Variants in HDAC9 observed in about 807,000 individuals in gnomAD.
The protein encoded by HDAC9 is histone deacetylase 9, also known as MEF-2 interacting transcription repressor (MITR) protein.
In HDAC9, 41 loss-of-function variants were observed where a neutral mutation model predicts 139.4. The ratio of observed to expected loss-of-function variants is 0.29; its 90% CI spans 0.23 to 0.38. The LOEUF (loss-of-function observed/expected upper bound fraction) is 0.38. HDAC9 is among the 10% of genes least tolerant of loss of function. The pLI is 1.00. For synonymous variants in HDAC9, 517 were observed against 476.2 expected, an observed-to-expected ratio of 1.09 and a Z score of -1.12; for missense variants, 1,147 against 1,297.0, an observed-to-expected ratio of 0.88 and a Z score of 1.78.
At chr7:18,819,668 T>G (rs1462985985) in intron 17 of HDAC9, among the ~76,000 whole-genome samples, 2 of 152,136 alleles carry the variant, frequency 1.3e-5, no homozygotes. Flanking sequence ...ATAACACCAA[T>G]CTAAACAACA....
intron 12 of HDAC9, among the ~76,000 whole-genome samples, chr7:18,722,657 C>A (rs1339501319): frequency 1.3e-5 from 2 of 152,074 alleles, no homozygotes; most frequent in African/African-American, 4.8e-5. Context: ...ATAAAAGTGA[C>A]CTGGCATTTA....
chr7:18,780,337 G>A lies in HDAC9; in HGVS notation c.2215-13008G>A, dbSNP rs543466017. On this transcript the variant is annotated intron_variant, in intron 16 of 25. Coordinates refer to ENST00000686413, the MANE Select transcript of HDAC9 (RefSeq NM_178425.4). ...TTTACAAAATTCATTTTTCTTGAGAGATCAGATAGCAGGCTCCCATTAGCT... is the reference window on the plus strand; with the variant it reads ...TTTACAAAATTCATTTTTCTTGAGAAATCAGATAGCAGGCTCCCATTAGCT... 2.6e-5 allele frequency among the ~76,000 whole-genome samples: 4 copies of A among 152,184 alleles called. No homozygotes were observed. The East Asian group carries it at 7.8e-4, about 30-fold the overall frequency.
intron 1 of HDAC9, among the ~76,000 whole-genome samples, chr7:18,471,009 A>G (rs1416394028): frequency 6.6e-6 from 1 of 151,602 alleles, no homozygotes; most frequent in African/African-American, 2.4e-5. Flanking sequence ...GTTACTTTGA[A>G]CTTTTTTTTT....
rs577798611 is a variant in HDAC9, at chr7:18,474,168, G to A, written c.-41-22094G>A. ...ATGTGCATACATATATGCATTTTAT[G>A]GAAGCTAAATTAAATTACATTTAAA... On this transcript the variant is annotated intron_variant, in intron 1 of 3. Coordinates refer to the HDAC9 transcript ENST00000413509. 9.9e-5 allele frequency among the ~76,000 whole-genome samples: 15 copies of A among 152,246 alleles called. No individual in the cohort carries two copies. In the South Asian group the frequency reaches 2.9e-3, roughly 29 times the overall value.
chr7:18,885,840 A>G (rs1234616985), intron 22 of HDAC9, among the ~76,000 whole-genome samples: 3 of 152,144 alleles, frequency 2.0e-5, no homozygotes, highest in East Asian at 1.9e-4. Flanking sequence ...CATGTTTCCT[A>G]TTTCTCATGG....
At chr7:18,219,533 G>T (rs973350665) in intron 2 of HDAC9, among the ~76,000 whole-genome samples, 3 of 152,010 alleles carry the variant, frequency 2.0e-5, no homozygotes, top group Non-Finnish European at 2.9e-5. Context: ...CCAAAATTTG[G>T]TGAGTGCTGA....
intron 21 of HDAC9, 85 bp from the exon 22 acceptor site, chr7:18,874,393 T>C (rs750625788): frequency 1.4e-6 from 1 of 707,482 alleles, no homozygotes; most frequent in Non-Finnish European, 2.5e-6. Context: ...GAGGTTCCTA[T>C]TGTTGTGCCA....
intron 13 of HDAC9, among the ~76,000 whole-genome samples, chr7:18,733,717 G>T (rs1198208303): frequency 6.6e-6 from 1 of 151,666 alleles, no homozygotes; most frequent in East Asian, 1.9e-4. Flanking sequence ...TTTTTTGGGG[G>T]TATGCTTTTT....
At chr7:18,856,495 T>G (rs1797692226) in intron 21 of HDAC9, among the ~76,000 whole-genome samples, 2 of 152,276 alleles carry the variant, frequency 1.3e-5, no homozygotes, top group South Asian at 4.1e-4. Context: ...ATTATTGATT[T>G]TATAAACTAT....
intron 1 of HDAC9, among the ~76,000 whole-genome samples, chr7:18,102,790 T>C (rs1269316716): frequency 6.6e-6 from 1 of 152,232 alleles, no homozygotes; most frequent in Non-Finnish European, 1.5e-5. Flanking sequence ...AGAATGGTTA[T>C]GTGCAACTTC....
At position 18,648,550 on chromosome 7, in the gene HDAC9, G is replaced by T; in HGVS notation, c.1334G>T (p.Arg445Leu). ...ATTAGAGGTACCCACAAATTGCCCCGTCACAGACCCCTGAACCGAACCCAG... is the reference window on the plus strand; with the variant it reads ...ATTAGAGGTACCCACAAATTGCCCCTTCACAGACCCCTGAACCGAACCCAG... ...PGIRGTHKLPRHRPLNRTQSA... is the reference protein window; with the variant it reads ...PGIRGTHKLPLHRPLNRTQSA... Residue 445 changes from arginine (R) to leucine (L), a missense_variant, in exon 11 of 26, where the codon CGT becomes CTT. Coordinates refer to ENST00000686413, the MANE Select transcript of HDAC9 (RefSeq NM_178425.4). 1 of 1,613,464 alleles carries T rather than the reference G, an allele frequency of 6.2e-7. No individual in the cohort carries two copies. Among genetic ancestry groups the T allele is most frequent in the Non-Finnish European group, 8.5e-7 (1 of 1,179,714 alleles).
At chr7:18,198,934 C>T (rs1408337710) in intron 2 of HDAC9, among the ~76,000 whole-genome samples, 2 of 152,024 alleles carry the variant, frequency 1.3e-5, no homozygotes, top group African/African-American at 4.8e-5. Context: ...TATTAATTAA[C>T]ATTATAATTG....
At chr7:18,602,383 T>C (rs1164681450) in intron 6 of HDAC9, among the ~76,000 whole-genome samples, 1 of 151,988 alleles carries the variant, frequency 6.6e-6, no homozygotes, top group East Asian at 1.9e-4. Flanking sequence ...TTTCATCAGT[T>C]GATCTTTCAA....
intron 1 of HDAC9, among the ~76,000 whole-genome samples, chr7:18,098,462 T>G (rs1034202768): frequency 6.6e-6 from 1 of 152,224 alleles, no homozygotes; most frequent in African/African-American, 2.4e-5. Context: ...AGAGATTTAA[T>G]TGTTGTCTTA....
intron 2 of HDAC9, among the ~76,000 whole-genome samples, chr7:18,272,927 T>C (rs1341857909): frequency 2.0e-5 from 1 of 50,426 alleles, no homozygotes; most frequent in Non-Finnish European, 5.2e-5. Context: ...CTACTACTAC[T>C]ACTACTACTA....
At chr7:18,480,136 A>G (rs1795439928) in intron 1 of HDAC9, among the ~76,000 whole-genome samples, 1 of 152,132 alleles carries the variant, frequency 6.6e-6, no homozygotes, top group Non-Finnish European at 1.5e-5. Flanking sequence ...GGTTTACAAC[A>G]TACTAATTAA....
chr7:18,692,758 C>T (rs1476460736), intron 12 of HDAC9, among the ~76,000 whole-genome samples: 6 of 151,982 alleles, frequency 3.9e-5, no homozygotes, highest in East Asian at 1.9e-4. Flanking sequence ...TAATGTCTTT[C>T]GCCAGCCATT....
chr7:18,952,425 C>G (rs1265246939), intron 23 of HDAC9, among the ~76,000 whole-genome samples: 2 of 151,876 alleles, frequency 1.3e-5, no homozygotes, highest in Admixed American at 1.3e-4. Context: ...GATTTTTACC[C>G]CAAAGTCACA....
intron 2 of HDAC9, among the ~76,000 whole-genome samples, chr7:18,260,956 A>G (rs547213225): frequency 2.0e-5 from 3 of 152,240 alleles, no homozygotes; most frequent in African/African-American, 7.2e-5. Flanking sequence ...CGGCCATAGA[A>G]TAGGTGCCTA....
Sources: gnomAD v4.1 joint callset for allele counts (sites outside exome capture counted in the v4.1 genomes callset) on GRCh38, gnomAD v4.1.1 for gene constraint, MANE v1.5 for transcripts, NCBI Gene and HGNC (gene_info 2026-07-23, HGNC 2026-07-21) for gene names.